Variants in MCTP2 observed in about 807,000 individuals in gnomAD.
MCTP2 encodes multiple C2 and transmembrane domain containing 2, also known as multiple C2 and transmembrane domain-containing protein 2.
In MCTP2, 132 loss-of-function variants were observed where a neutral mutation model predicts 111.6. The ratio of observed to expected loss-of-function variants is 1.18; its 90% confidence interval spans 1.03 to 1.37. The LOEUF is 1.37. Ranked by LOEUF, MCTP2 falls within the 40% of genes most tolerant of loss-of-function variation. The pLI, the probability that MCTP2 is intolerant of heterozygous loss-of-function variation, is 0.00. For missense variants in MCTP2, 1,183 were observed against 1,067.9 expected, an observed-to-expected ratio of 1.11 and a Z score of -1.50; for synonymous variants, 395 against 387.7, an observed-to-expected ratio of 1.02 and a Z score of -0.22.
At position 94,384,041 on chromosome 15, in the gene MCTP2, C is replaced by G. The variant is rs1367872692; in HGVS notation, c.1602C>G (p.Cys534Trp). ...ADFSGKSDPF[C>W]LLELGNDRLQ... is the part of the protein sequence containing the mutation. ...TTCCAGGGAAGAGTGACCCATTTTG[C>G]TTGTTGGAGTTAGGCAATGACCGAC... Residue 534 changes from cysteine (C) to tryptophan (W), a missense_variant, in exon 13 of 23, where the codon TGC becomes TGG. By Grantham distance (215) the Cys-to-Trp change is radical. Coordinates refer to ENST00000357742, the MANE Select transcript of MCTP2 (RefSeq NM_001385001.1). 6.2e-7 allele frequency: 1 copy of G among 1,613,544 alleles called. No homozygotes were observed. Among genetic ancestry groups the G allele is most frequent in the African/African-American group, 1.3e-5 (1 of 75,012 alleles).
At position 94,479,020 on chromosome 15, in the gene MCTP2, C is replaced by G. The variant is rs376091751; in HGVS notation, c.2623C>G (p.Arg875Gly). 1 of 1,614,048 alleles carries G rather than the reference C, an allele frequency of 6.2e-7. No homozygotes were observed. The highest frequency in any genetic ancestry group is 1.1e-5 in the South Asian group (1 of 91,090). ...CAGCCACAGCCCCCTGCGGAAGAAG[C>G]GCAGCGCTCTCTAGGGCACACACCG... is the stretch of plus-strand genomic sequence containing the variant. ...CSSHSPLRKK[R>G]SAL is the part of the protein sequence containing the mutation. Residue 875 changes from arginine to glycine, a missense_variant, in exon 23 of 23, where the codon CGC becomes GGC. Arg to Gly is a moderately radical substitution (Grantham distance 125). Coordinates refer to ENST00000357742, the MANE Select transcript of MCTP2 (RefSeq NM_001385001.1).
At chr15:94,246,793 C>T (rs990693244) in intron 1 of MCTP2, among the ~76,000 whole-genome samples, 7 of 152,192 alleles carry the variant, frequency 4.6e-5, no homozygotes, top group African/African-American at 1.7e-4. Flanking sequence ...ATTGCGCTGA[C>T]ACTGGCATTG....
At chr15:94,245,806 A>G (rs2071947119) in intron 1 of MCTP2, among the ~76,000 whole-genome samples, 1 of 151,300 alleles carries the variant, frequency 6.6e-6, no homozygotes, top group African/African-American at 2.4e-5. Flanking sequence ...ATTGGAGCAC[A>G]TACCTACATT....
At chr15:94,358,680 T>G in intron 10 of MCTP2, 68 bp downstream of exon 10, 2 of 1,574,150 alleles carry the variant, frequency 1.3e-6, no homozygotes, top group Non-Finnish European at 1.7e-6. Context: ...AGAGGTGATC[T>G]TTATCTGTTA....
intron 7 of MCTP2, chr15:94,341,523 A>C (rs1038781037): frequency 2.6e-5 from 4 of 152,248 alleles, no homozygotes; most frequent in African/African-American, 9.7e-5. Flanking sequence ...GATGTGTTAT[A>C]ATTTAGCATG....
intron 4 of MCTP2, among the ~76,000 whole-genome samples, chr15:94,316,860 C>T (rs548161906): frequency 2.0e-5 from 3 of 152,130 alleles, no homozygotes; most frequent in African/African-American, 7.2e-5. Context: ...GGTTCTTGGA[C>T]GGTTTCTCCT....
At chr15:94,432,168 T>A (rs1469369660) in intron 17 of MCTP2, among the ~76,000 whole-genome samples, 2 of 152,136 alleles carry the variant, frequency 1.3e-5, no homozygotes, top group African/African-American at 4.8e-5. Context: ...AGGAGTTTAG[T>A]AAGGTTGGAG....
At position 94,315,547 on chromosome 15, in the gene MCTP2, G is replaced by A; in HGVS notation, c.547G>A (p.Asp183Asn). 1 of 1,613,828 alleles carries A rather than the reference G, an allele frequency of 6.2e-7. No homozygotes were observed. Among genetic ancestry groups the A allele is most frequent in the Non-Finnish European group, 8.5e-7 (1 of 1,179,774 alleles). ...TGTGCAGGTACCGGGGGAAGCCAGTGATGGCTTGAGTAACCTCCCCAGCCC... is the reference window on the plus strand; with the variant it reads ...TGTGCAGGTACCGGGGGAAGCCAGTAATGGCTTGAGTAACCTCCCCAGCCC... The part of the protein sequence containing the change: ...EEQSVPGEAS[D>N]GLSNLPSPFA... The change falls in exon 4 of 23, where the codon GAT (aspartate) becomes AAT (asparagine). Residue 183 changes from aspartate (D) to asparagine (N), a missense_variant. Coordinates refer to ENST00000357742, the MANE Select transcript of MCTP2 (RefSeq NM_001385001.1).
intron 4 of MCTP2, among the ~76,000 whole-genome samples, chr15:94,331,604 TA>T (rs2152390984): frequency 1.3e-5 from 2 of 152,362 alleles, no homozygotes; most frequent in African/African-American, 4.8e-5. Flanking sequence ...TGAGTTGCTA[TA>T]AACTTTATAA....
intron 1 of MCTP2, chr15:94,278,117 C>T (rs1238303919): frequency 3.3e-5 from 5 of 152,056 alleles, no homozygotes; most frequent in Non-Finnish European, 5.9e-5. Flanking sequence ...AATTAATTGC[C>T]AATCAGAATG....
At chr15:94,267,975 C>T (rs1484130683) in intron 1 of MCTP2, among the ~76,000 whole-genome samples, 1 of 147,058 alleles carries the variant, frequency 6.8e-6, no homozygotes, top group African/African-American at 2.5e-5. Flanking sequence ...ACGCCATTCT[C>T]CTGCCTCAGC....
intron 1 of MCTP2, among the ~76,000 whole-genome samples, chr15:94,282,433 A>G (rs1347883268): frequency 1.3e-5 from 2 of 152,100 alleles, no homozygotes; most frequent in Non-Finnish European, 2.9e-5. Context: ...GACATCTTTC[A>G]GCTCCTGGGC....
At chr15:94,259,316 C>A (rs6497185) in intron 1 of MCTP2, among the ~76,000 whole-genome samples, 118,509 of 152,162 alleles carry the variant, frequency 0.78, 46,465 homozygotes, top group South Asian at 0.87. Context: ...CACAGCCTGG[C>A]ACCTGGGGCA....
intron 2 of MCTP2, among the ~76,000 whole-genome samples, chr15:94,308,238 A>G (rs778046707): frequency 2.0e-5 from 3 of 152,170 alleles, no homozygotes; most frequent in Non-Finnish European, 4.4e-5. Context: ...TATATTTTTC[A>G]AGGACAGAAA....
chr15:94,374,673 A>G (rs958505048), intron 12 of MCTP2, among the ~76,000 whole-genome samples: 2 of 152,168 alleles, frequency 1.3e-5, no homozygotes, highest in Non-Finnish European at 2.9e-5. Flanking sequence ...CCCATAAAGG[A>G]TGTTCCAAAG....
chr15:94,349,713 T>G lies in MCTP2; in HGVS notation c.1005+4549T>G, dbSNP rs182323212. Among the ~76,000 whole-genome samples the G allele has an allele frequency of 6.6e-5, 10 of 150,502 alleles. No individual in the cohort carries two copies. The East Asian group carries it at 2.0e-3, about 30-fold the overall frequency. On this transcript the variant is annotated intron_variant, in intron 8 of 22. Transcript: ENST00000357742. The stretch of plus-strand genomic sequence containing the variant: ...CATGCGCCTGTAGTCCCAGCTACTC[T>G]GGAGGCTGAGGCAGGAGAATGGTGT...
chr15:94,231,731 T>C (rs1275906654), intron 1 of MCTP2, 67 bp downstream of exon 1: 1 of 152,528 alleles, frequency 6.6e-6, no homozygotes, highest in East Asian at 1.9e-4. Context: ...CGCCTGGGGG[T>C]GGGCGTCTTC....
chr15:94,440,069 G>C, intron 17 of MCTP2, 107 bp from the exon 18 acceptor site: 2 of 1,275,850 alleles, frequency 1.6e-6, no homozygotes, highest in Admixed American at 3.9e-5. Flanking sequence ...TTCTGAATGT[G>C]ACTAGAAAGA....
At position 94,242,921 on chromosome 15, in the gene MCTP2, GTACACATATACACGTGTATATGTAGA is replaced by G. The variant is rs1374547205; in HGVS notation, c.-66+11281_-66+11306del. On this transcript the variant is annotated intron_variant, in intron 1 of 22. Transcript: ENST00000357742. ...TATATATATGTATACACATATACAC[GTACACATATACACGTGTATATGTAGA>G]TACACATATACACGTGTATATGTGT... Among the ~76,000 whole-genome samples the G allele has an allele frequency of 8.1e-3, 1,164 of 143,614 alleles. 95 individuals are homozygous for G. The highest frequency in any genetic ancestry group is 0.011 in the Non-Finnish European group (688 of 65,000). 94.2% of individuals were successfully genotyped at this position (143,614 alleles called of 152,430 possible).
Sources: allele counts gnomAD v4.1 joint callset (sites outside exome capture counted in the v4.1 genomes callset), GRCh38; gene constraint gnomAD v4.1.1; transcripts MANE v1.5; gene names NCBI Gene and HGNC (gene_info 2026-07-23, HGNC 2026-07-21).